Variants in SLC9A8 observed in about 807,000 individuals in gnomAD.
The protein encoded by SLC9A8 is sodium/hydrogen exchanger 8.
In SLC9A8, 48 loss-of-function variants were observed where a neutral mutation model predicts 66.6. That is an observed-to-expected ratio of 0.72 (90% CI 0.57 to 0.92). The LOEUF (loss-of-function observed/expected upper bound fraction) is 0.92, where lower values mean the gene tolerates loss of function less well. Among genes scored for constraint, SLC9A8 ranks in the 40% least tolerant of loss-of-function variants. The pLI is 0.00. For missense variants in SLC9A8, 599 were observed against 747.3 expected (o/e 0.80, Z 2.31); for synonymous variants, 274 against 282.6 (o/e 0.97, Z 0.31).
At chr20:49,845,179 A>G (rs932495843) in intron 5 of SLC9A8, 60 bp downstream of exon 5, 5 of 1,240,718 alleles carry the variant, frequency 4.0e-6, no homozygotes, top group Non-Finnish European at 5.9e-6. Flanking sequence ...TTGTAAGGCA[A>G]GTTCCTTAAA....
chr20:49,821,046 T>G (rs931921616), intron 2 of SLC9A8, among the ~76,000 whole-genome samples: 2 of 152,300 alleles, frequency 1.3e-5, no homozygotes, highest in East Asian at 3.9e-4. Flanking sequence ...TTATCAGATA[T>G]ATGATTTGCA....
At chr20:49,864,117 G>C (rs1250453992) in intron 9 of SLC9A8, among the ~76,000 whole-genome samples, 1 of 152,042 alleles carries the variant, frequency 6.6e-6, no homozygotes, top group Non-Finnish European at 1.5e-5. Flanking sequence ...GAGCAAATGG[G>C]TACTGTGAGC....
At chr20:49,848,142 T>C (rs1363952502) in intron 5 of SLC9A8, among the ~76,000 whole-genome samples, 1 of 152,118 alleles carries the variant, frequency 6.6e-6, no homozygotes, top group Non-Finnish European at 1.5e-5. Flanking sequence ...CAGGTTGGTC[T>C]CGAACTCCTG....
chr20:49,875,968 T>C (rs2089413238), intron 11 of SLC9A8, among the ~76,000 whole-genome samples: 1 of 152,192 alleles, frequency 6.6e-6, no homozygotes, highest in Non-Finnish European at 1.5e-5. Context: ...CTCGATCTCC[T>C]GACCTTGTGA....
intron 3 of SLC9A8, among the ~76,000 whole-genome samples, chr20:49,838,517 G>A (rs1568820881): frequency 6.6e-6 from 1 of 152,082 alleles, no homozygotes; most frequent in Non-Finnish European, 1.5e-5. Context: ...AAATAGCATG[G>A]AGGTTTATAA....
rs913077205 is a variant in SLC9A8 at position 49,863,062 on chromosome 20, G to T, written c.847G>T (p.Ala283Ser). Residue 283 changes from alanine to serine, a missense_variant, in exon 9 of 16, where the codon GCA becomes TCA. Physicochemically the swap from Ala to Ser is moderately conservative, Grantham distance 99 (BLOSUM62 1). Transcript: ENST00000361573. ...CGGCACTCTCACTGGCTTAATTTCTGCATTAATATCCTTTTAATGTGATGA... is the reference window on the plus strand; with the variant it reads ...CGGCACTCTCACTGGCTTAATTTCTTCATTAATATCCTTTTAATGTGATGA... ...ALGTLTGLIS[A>S]LVLKHIDLRK... 6.2e-7 allele frequency: 1 copy of T among 1,612,002 alleles called. No individual in the cohort carries two copies. Among genetic ancestry groups the T allele is most frequent in the Non-Finnish European group, 8.5e-7 (1 of 1,179,078 alleles).
At position 49,888,548 on chromosome 20, in the gene SLC9A8, A is replaced by G. The variant is rs2089972478; in HGVS notation, c.*612A>G. On this transcript the variant is annotated 3_prime_UTR_variant, in exon 16 of 16. Coordinates refer to ENST00000361573, the MANE Select transcript of SLC9A8 (RefSeq NM_015266.3). ...CACTTCGCAGTCTATCTCCCTGGGT[A>G]GCAGACGGCTGCTGCCCTTCTCTGG... The G allele has an allele frequency of 6.5e-6, 1 of 154,348 alleles. No homozygotes were observed. Among genetic ancestry groups the G allele is most frequent in the Admixed American group, 6.4e-5 (1 of 15,662 alleles). 9.6% of individuals were successfully genotyped at this position (154,348 alleles called of 1,614,324 possible).
Position 49,881,044 on chromosome 20 carries a change from A to T in SLC9A8, c.1270+9A>T. ...CATCATGTGGTTTAGTGGTAAGTCA[A>T]ATCTTGGATAAATGGGGTGGGGAAG... On this transcript the variant is annotated intron_variant, in intron 13 of 15. Transcript: ENST00000361573. 6.3e-7 allele frequency: 1 copy of T among 1,580,244 alleles called. No homozygotes were observed. The highest frequency in any genetic ancestry group is 1.1e-5 in the South Asian group (1 of 90,400).
intron 11 of SLC9A8, among the ~76,000 whole-genome samples, chr20:49,877,126 G>GAA (rs113268405): frequency 0.01 from 1,164 of 112,168 alleles, 26 homozygotes; most frequent in African/African-American, 0.034. Flanking sequence ...TGTCTCTACT[G>GAA]AAAAAAAAAA....
In SLC9A8 at chr20:49,845,050, T is replaced by G; in HGVS notation, c.363T>G (p.Phe121Leu). The part of the protein sequence containing the change: ...KLANWKEEEM[F>L]RPNMFFLLLL... ...TCTATTTACAGGAAGAAGAAATGTTTCGTCCAAACATGTTTTTCCTCCTCC... is the reference window on the plus strand; with the variant it reads ...TCTATTTACAGGAAGAAGAAATGTTGCGTCCAAACATGTTTTTCCTCCTCC... Residue 121 changes from phenylalanine (F) to leucine (L), a missense_variant, in exon 5 of 16, where the codon TTT becomes TTG. Coordinates refer to ENST00000361573, the MANE Select transcript of SLC9A8 (RefSeq NM_015266.3). The G allele has an allele frequency of 6.2e-7, 1 of 1,612,260 alleles. No individual in the cohort carries two copies. The highest frequency in any genetic ancestry group is 8.5e-7 in the Non-Finnish European group (1 of 1,178,254).
At chr20:49,881,830 T>G (rs1336153454) in intron 13 of SLC9A8, among the ~76,000 whole-genome samples, 1 of 152,182 alleles carries the variant, frequency 6.6e-6, no homozygotes, top group African/African-American at 2.4e-5. Context: ...TTTCCTAATC[T>G]CTTTTGCCAG....
intron 4 of SLC9A8, among the ~76,000 whole-genome samples, chr20:49,842,388 A>G (rs892928493): frequency 1.3e-5 from 2 of 152,182 alleles, no homozygotes; most frequent in Non-Finnish European, 2.9e-5. Context: ...TCAAGGCAAC[A>G]TTACAGTACT....
rs1281955061 is a variant in SLC9A8, at chr20:49,845,074, C to T, written c.387C>T (p.Leu129=). The change falls in exon 5 of 16, where the codon CTC becomes CTT. Residue 129 remains leucine (L), a synonymous_variant. Coordinates refer to ENST00000361573, the MANE Select transcript of SLC9A8 (RefSeq NM_015266.3). The stretch of plus-strand genomic sequence containing the variant: ...TTCGTCCAAACATGTTTTTCCTCCT[C>T]CTGCTTCCCCCTATTATCTTTGAGT... The part of the protein sequence containing the change: ...EMFRPNMFFL[L]LLPPIIFESG... 1 of 1,613,402 alleles carries T rather than the reference C, an allele frequency of 6.2e-7. No homozygotes were observed. The highest frequency in any genetic ancestry group is 1.1e-5 in the South Asian group (1 of 91,064).
intron 4 of SLC9A8, among the ~76,000 whole-genome samples, chr20:49,841,061 T>C (rs1297319308): frequency 6.6e-6 from 1 of 152,114 alleles, no homozygotes; most frequent in Non-Finnish European, 1.5e-5. Context: ...TCCCAGAATT[T>C]TGAGAGGCTG....
intron 6 of SLC9A8, 78 bp downstream of exon 6, chr20:49,849,758 G>C: frequency 8.6e-7 from 1 of 1,159,588 alleles, no homozygotes; most frequent in Non-Finnish European, 1.3e-6. Context: ...AGGTGAAATG[G>C]GGCCACTTTG....
chr20:49,840,321 G>C (rs1448106941), intron 4 of SLC9A8, among the ~76,000 whole-genome samples: 1 of 152,166 alleles, frequency 6.6e-6, no homozygotes. Context: ...ATAAACTTGA[G>C]CATCCATGTT....
At chr20:49,849,704 CTT>C in intron 6 of SLC9A8, 24 bp downstream of exon 6, 1 of 1,535,524 alleles carries the variant, frequency 6.5e-7, no homozygotes, top group African/African-American at 1.4e-5. Flanking sequence ...CTTTGAAACA[CTT>C]TGAAAGTCTT....
At chr20:49,831,431 C>CTG in intron 3 of SLC9A8, among the ~76,000 whole-genome samples, 1 of 150,660 alleles carries the variant, frequency 6.6e-6, no homozygotes, top group South Asian at 2.1e-4. Context: ...CTCTCTCTCT[C>CTG]TGTCTCTCTC....
chr20:49,855,592 G>T lies in SLC9A8; in HGVS notation c.713+11G>T, dbSNP rs763448454. On this transcript the variant is annotated intron_variant, in intron 8 of 15. Transcript: ENST00000361573. The stretch of plus-strand genomic sequence containing the variant: ...CATTGTTCTGACCAAGTAAGTACGG[G>T]GGCAGAGAACAGACTTTTTTCATGT... The T allele has an allele frequency of 8.1e-6, 13 of 1,612,568 alleles. No individual in the cohort carries two copies. In the South Asian group the frequency reaches 1.3e-4, roughly 16 times the overall value.
Sources: allele counts gnomAD v4.1 joint callset (sites outside exome capture counted in the v4.1 genomes callset), GRCh38; gene constraint gnomAD v4.1.1; transcripts MANE v1.5; gene names NCBI Gene and HGNC (gene_info 2026-07-23, HGNC 2026-07-21).